Variants in LAMB4 observed in about 807,000 individuals in gnomAD.
LAMB4 encodes laminin subunit beta 4, also known as laminin subunit beta-4.
LAMB4 carries 196 observed loss-of-function variants against 199.2 expected under a neutral mutation model. The observed-to-expected ratio is 0.98, with a 90% CI of 0.88 to 1.11. The LOEUF (loss-of-function observed/expected upper bound fraction) is 1.11. Among genes scored for constraint, LAMB4 ranks in the 50% least tolerant of loss-of-function variants. The pLI is 0.00. For synonymous variants in LAMB4, 744 were observed against 770.6 expected, an observed-to-expected ratio of 0.97 and a Z score of 0.57; for missense variants, 2,080 against 2,171.2, an observed-to-expected ratio of 0.96 and a Z score of 0.83.
At position 108,062,939 on chromosome 7, in the gene LAMB4, T is replaced by A. The variant is rs776334900; in HGVS notation, c.3117A>T (p.Gly1039=). 2 of 1,607,568 alleles carry A rather than the reference T, an allele frequency of 1.2e-6. No homozygotes were observed. The highest frequency in any genetic ancestry group is 3.4e-5 in the Admixed American group (2 of 59,038). The change falls in exon 23 of 34, where the codon GGA becomes GGT. Residue 1039 remains glycine (G), a synonymous_variant. Coordinates refer to ENST00000388781, the MANE Select transcript of LAMB4 (RefSeq NM_007356.3). ...VSPMECPPGG[G]ACLCDPVTGA... ...CAGTGACAGGGTCACAGAGGCAAGC[T>A]CCCCCACCAGGGGGACACTCCATGG... is the stretch of plus-strand genomic sequence containing the variant.
At chr7:108,048,210 G>A in intron 27 of LAMB4, 99 bp from the exon 28 acceptor site, 2 of 996,316 alleles carry the variant, frequency 2.0e-6, no homozygotes, top group South Asian at 3.3e-5. Flanking sequence ...TGTTGCCCAG[G>A]CTGGAGAGCA....
intron 9 of LAMB4, 43 bp downstream of exon 9, chr7:108,104,456 G>A (rs1292612850): frequency 5.0e-6 from 8 of 1,610,372 alleles, no homozygotes; most frequent in Non-Finnish European, 6.8e-6. Context: ...ATAAGGAAAT[G>A]CAGAGCACAC....
intron 11 of LAMB4, among the ~76,000 whole-genome samples, chr7:108,095,956 GTATGT>G (rs2037580346): frequency 6.6e-6 from 1 of 152,298 alleles, no homozygotes; most frequent in East Asian, 1.9e-4. Context: ...CTGTACAATA[GTATGT>G]TATTCAGCAA....
Position 108,062,855 on chromosome 7 carries a change from T to C in LAMB4, c.3201A>G (p.Gly1067=). 2 of 1,584,006 alleles carry C rather than the reference T, an allele frequency of 1.3e-6. No homozygotes were observed. The highest frequency in any genetic ancestry group is 1.7e-6 in the Non-Finnish European group (2 of 1,166,762). ...TGLACDRCAD[G]YWNLVPGRGC... is the part of the protein sequence containing the mutation. Reference sequence around the variant, plus strand: ...CTCTGCCAGGGACCAGATTCCAGTATCCATCAGCACAACGGTCACAGGCCA... The same window carrying C: ...CTCTGCCAGGGACCAGATTCCAGTACCCATCAGCACAACGGTCACAGGCCA... The change falls in exon 23 of 34, where the codon GGA becomes GGG. Residue 1067 remains glycine, a synonymous_variant. Transcript: ENST00000388781.
rs564096272 is a variant in LAMB4, at chr7:108,129,757, G to A, written c.-34+549C>T. Among the ~76,000 whole-genome samples, 47 of 152,254 alleles carry A rather than the reference G, an allele frequency of 3.1e-4. 1 individual carries two copies. The South Asian group carries it at 9.3e-3, about 30-fold the overall frequency. ...TTGCTCAGGCTGGTCTTGACCTCCT[G>A]AGCTCAAGCAATTTGCCTGCCTCGG... On this transcript the variant is annotated intron_variant, in intron 1 of 33. Transcript: ENST00000388781.
chr7:108,107,495 T>G, intron 6 of LAMB4, 136 bp downstream of exon 6: 1 of 650,124 alleles, frequency 1.5e-6, no homozygotes, highest in Admixed American at 3.4e-5. Flanking sequence ...CATTTCAGTT[T>G]AGACACTTTC....
intron 3 of LAMB4, among the ~76,000 whole-genome samples, chr7:108,115,234 A>G (rs2038364719): frequency 6.6e-6 from 1 of 152,248 alleles, no homozygotes; most frequent in Non-Finnish European, 1.5e-5. Context: ...ATGGAAATTA[A>G]GCAAATCTTC....
intron 29 of LAMB4, among the ~76,000 whole-genome samples, chr7:108,040,114 C>A (rs1472075663): frequency 6.6e-6 from 1 of 152,124 alleles, no homozygotes; most frequent in African/African-American, 2.4e-5. Context: ...TATACATCAG[C>A]AACAGTCAAG....
intron 12 of LAMB4, among the ~76,000 whole-genome samples, chr7:108,094,494 TA>T (rs1290110081): frequency 1.8e-4 from 28 of 151,928 alleles, no homozygotes; most frequent in African/African-American, 6.5e-4. Flanking sequence ...CATGTCCTCA[TA>T]GGCATATGTT....
intron 29 of LAMB4, among the ~76,000 whole-genome samples, chr7:108,040,442 G>A (rs1392393023): frequency 2.0e-5 from 3 of 152,086 alleles, no homozygotes; most frequent in Admixed American, 1.3e-4. Flanking sequence ...AAAACAGCCC[G>A]ACTAGCCAAG....
Position 108,095,291 on chromosome 7 carries a change from A to T in LAMB4, c.1407T>A (p.Asp469Glu), listed in dbSNP as rs567120986. ...PLGSLPFLTC[D>E]VDTGQCLCLS... ...GGCACAAGCATTGGCCTGTATCCAC[A>T]TCACAGGTCAAGAATGGCAGACTCC... Residue 469 changes from aspartate to glutamate, a missense_variant, in exon 12 of 34, where the codon GAT becomes GAA. Asp to Glu is a conservative substitution (Grantham distance 45, BLOSUM62 2). Transcript: ENST00000388781. 6.2e-7 allele frequency: 1 copy of T among 1,614,048 alleles called. No homozygotes were observed. The highest frequency in any genetic ancestry group is 1.3e-5 in the African/African-American group (1 of 75,054).
Position 108,048,019 on chromosome 7 carries a change from A to G in LAMB4, c.4215T>C (p.Gly1405=). The change falls in exon 28 of 34, where the codon GGT becomes GGC. Residue 1405 remains glycine (G), a synonymous_variant. Coordinates refer to ENST00000388781, the MANE Select transcript of LAMB4 (RefSeq NM_007356.3). ...TGRKGHRKCR[G]PGCHGSLTLS... is the part of the protein sequence containing the mutation. ...GGGTCAGGGAGCCGTGACAGCCGGGACCCCTACACTTCCTGTGCCCCTTCC... is the reference window on the plus strand; with the variant it reads ...GGGTCAGGGAGCCGTGACAGCCGGGGCCCCTACACTTCCTGTGCCCCTTCC... 1 of 1,614,010 alleles carries G rather than the reference A, an allele frequency of 6.2e-7. No homozygotes were observed.
chr7:108,078,016 G>C (rs574676944), intron 16 of LAMB4, among the ~76,000 whole-genome samples, 185 bp downstream of exon 16: 1 of 152,338 alleles, frequency 6.6e-6, no homozygotes, highest in East Asian at 1.9e-4. Flanking sequence ...GCCGTACTGA[G>C]TTGTTATGAA....
chr7:108,118,219 T>C (rs1219081725), intron 2 of LAMB4, among the ~76,000 whole-genome samples: 1 of 152,172 alleles, frequency 6.6e-6, no homozygotes, highest in Non-Finnish European at 1.5e-5. Flanking sequence ...GGAGGCCAAA[T>C]CTAAGCTCTA....
chr7:108,068,257 C>A, intron 18 of LAMB4, 98 bp from the exon 19 acceptor site: 1 of 1,204,738 alleles, frequency 8.3e-7, no homozygotes, highest in South Asian at 1.4e-5. Context: ...TCATTTAAGA[C>A]CTCTTTAATA....
intron 21 of LAMB4, among the ~76,000 whole-genome samples, chr7:108,065,456 TCTTA>T (rs2036302901): frequency 2.0e-5 from 3 of 152,352 alleles, no homozygotes; most frequent in East Asian, 1.9e-4. Flanking sequence ...CACATTTATA[TCTTA>T]CTTAACGTGA....
chr7:108,035,604 C>CAAAAAAAAAAAAAAAAAAA (rs34425857), intron 30 of LAMB4, among the ~76,000 whole-genome samples: 1 of 79,944 alleles, frequency 1.3e-5, no homozygotes, highest in Non-Finnish European at 2.4e-5. Flanking sequence ...TAGAGAGTAC[C>CAAAAAAAAAAAAAAAAAAA]AAAAAAAAAA....
chr7:108,083,424 G>A (rs1156830243), intron 14 of LAMB4, among the ~76,000 whole-genome samples: 1 of 152,094 alleles, frequency 6.6e-6, no homozygotes, highest in Non-Finnish European at 1.5e-5. Context: ...CTATGGCCTT[G>A]GCAGCACTCT....
chr7:108,044,527 T>G (rs1397871752), intron 28 of LAMB4, among the ~76,000 whole-genome samples: 2 of 152,200 alleles, frequency 1.3e-5, no homozygotes, highest in Non-Finnish European at 2.9e-5. Flanking sequence ...GACTTTTTCT[T>G]GGGATTCCAA....
Sources: gnomAD v4.1 joint callset for allele counts (sites outside exome capture counted in the v4.1 genomes callset) on GRCh38, gnomAD v4.1.1 for gene constraint, MANE v1.5 for transcripts, NCBI Gene and HGNC (gene_info 2026-07-23, HGNC 2026-07-21) for gene names.